The following PPP1R1C variants were observed in gnomAD, a reference collection of about 807,000 sequenced individuals.
PPP1R1C encodes protein phosphatase 1 regulatory inhibitor subunit 1C.
In PPP1R1C, 15 loss-of-function variants were observed where a neutral mutation model predicts 17.4. The ratio of observed to expected loss-of-function variants is 0.86; its 90% CI spans 0.58 to 1.33. PPP1R1C has a LOEUF of 1.33. Ranked by LOEUF, PPP1R1C falls within the 40% of genes most tolerant of loss-of-function variation. The pLI, the probability that PPP1R1C is intolerant of heterozygous loss-of-function variation, is 0.00. For missense variants in PPP1R1C, 143 were observed against 130.0 expected, an observed-to-expected ratio of 1.10 and a Z score of -0.48; for synonymous variants, 35 against 43.1, an observed-to-expected ratio of 0.81 and a Z score of 0.73.
intron 1 of PPP1R1C, among the ~76,000 whole-genome samples, chr2:181,955,387 T>C (rs535143591): frequency 1.3e-5 from 2 of 151,874 alleles, no homozygotes; most frequent in South Asian, 4.2e-4. Context: ...ACAAATACAA[T>C]TTTTTTTTCC....
At chr2:182,088,755 T>A (rs769652408) in intron 4 of PPP1R1C, among the ~76,000 whole-genome samples, 22 of 152,218 alleles carry the variant, frequency 1.4e-4, no homozygotes, top group Middle Eastern at 3.2e-3. Flanking sequence ...TGTTCTTCCC[T>A]TAGTCCTATG....
intron 4 of PPP1R1C, among the ~76,000 whole-genome samples, chr2:182,111,969 T>C (rs1470657622): frequency 2.0e-5 from 3 of 152,170 alleles, no homozygotes; most frequent in Admixed American, 6.5e-5. Flanking sequence ...CTAATGAGTA[T>C]GTTGCTCAAT....
intron 2 of PPP1R1C, among the ~76,000 whole-genome samples, chr2:182,054,610 G>A (rs978397625): frequency 6.6e-6 from 1 of 151,588 alleles, no homozygotes; most frequent in Non-Finnish European, 1.5e-5. Context: ...TGTATAGTTA[G>A]ATTATTTTGA....
chr2:182,111,930 T>A (rs956543739), intron 4 of PPP1R1C, among the ~76,000 whole-genome samples: 1 of 152,130 alleles, frequency 6.6e-6, no homozygotes, highest in African/African-American at 2.4e-5. Context: ...GTTTTTGCGA[T>A]AGGCACCAGG....
intron 4 of PPP1R1C, among the ~76,000 whole-genome samples, chr2:182,080,349 C>G (rs1270348617): frequency 2.0e-5 from 3 of 152,192 alleles, no homozygotes; most frequent in Non-Finnish European, 4.4e-5. Context: ...ATCACTATCC[C>G]CCATTTGCTC....
downstream of PPP1R1C, among the ~76,000 whole-genome samples, chr2:182,118,687 C>T (rs2125238841): frequency 6.6e-6 from 1 of 152,116 alleles, no homozygotes; most frequent in African/African-American, 2.4e-5. Flanking sequence ...CAACCATTTT[C>T]CTTAGTATTT....
At chr2:182,012,758 G>A (rs151335675) in intron 2 of PPP1R1C, among the ~76,000 whole-genome samples, 2,012 of 151,656 alleles carry the variant, frequency 0.013, 22 homozygotes, top group South Asian at 0.036. Context: ...TATTTTTTGC[G>A]TGTCTTCTGT....
At chr2:182,107,509 G>A (rs989174826) in intron 4 of PPP1R1C, among the ~76,000 whole-genome samples, 17 of 152,238 alleles carry the variant, frequency 1.1e-4, no homozygotes, top group South Asian at 2.1e-4. Flanking sequence ...GAGACGGAAC[G>A]AAAAACAAAT....
Position 181,976,793 on chromosome 2 carries a change from A to T in PPP1R1C, n.157+1529A>T, listed in dbSNP as rs1284938571. On this transcript the variant is annotated intron_variant and non_coding_transcript_variant, in intron 2 of 5. Coordinates refer to the PPP1R1C transcript ENST00000464264. This position sits in a 1 kb window ranked among gnomAD's most constrained non-coding sequence, Gnocchi z 4.8. The stretch of plus-strand genomic sequence containing the variant: ...CTCTTGCTCTCTACTGTAAGGTCCC[A>T]TGTTTGAAGGAGGCTTTCTTTTAAC... Among the ~76,000 whole-genome samples, 1 of 152,094 alleles carries T rather than the reference A, an allele frequency of 6.6e-6. No individual in the cohort carries two copies. The highest frequency in any genetic ancestry group is 1.5e-5 in the Non-Finnish European group (1 of 68,020).
intron 4 of PPP1R1C, among the ~76,000 whole-genome samples, chr2:182,105,836 T>A (rs1225540061): frequency 6.6e-6 from 1 of 152,174 alleles, no homozygotes; most frequent in Non-Finnish European, 1.5e-5. Context: ...TTCAACGCTA[T>A]GGATGTATTA....
chr2:182,066,599 A>G (rs1687989447), intron 4 of PPP1R1C, among the ~76,000 whole-genome samples: 1 of 152,138 alleles, frequency 6.6e-6, no homozygotes, highest in Non-Finnish European at 1.5e-5. Context: ...TATTAGATAA[A>G]TTGTTGTATT....
chr2:182,100,928 G>A (rs1689082097), intron 4 of PPP1R1C, among the ~76,000 whole-genome samples: 1 of 152,174 alleles, frequency 6.6e-6, no homozygotes, highest in Admixed American at 6.5e-5. Flanking sequence ...AAGCAGGCAG[G>A]GCTGATTGTT....
intron 2 of PPP1R1C, among the ~76,000 whole-genome samples, chr2:182,058,019 C>T (rs892027332): frequency 6.6e-6 from 1 of 152,006 alleles, no homozygotes. Context: ...CACACAGTTT[C>T]CCTATTCTTA....
intron 2 of PPP1R1C, chr2:181,975,322 A>C (rs2125135061): frequency 6.6e-6 from 1 of 151,688 alleles, no homozygotes; most frequent in East Asian, 1.9e-4. Flanking sequence ...CTGATTGATA[A>C]CTATTGCTAA....
chr2:181,994,359 T>C (rs1685556240), intron 2 of PPP1R1C, among the ~76,000 whole-genome samples: 1 of 152,162 alleles, frequency 6.6e-6, no homozygotes, highest in African/African-American at 2.4e-5. Context: ...TCAAATACTC[T>C]TGTTGCTCAA....
At chr2:182,084,921 T>C (rs916479265) in intron 4 of PPP1R1C, among the ~76,000 whole-genome samples, 1 of 152,158 alleles carries the variant, frequency 6.6e-6, no homozygotes, top group Admixed American at 6.5e-5. Context: ...GTGTCACCTA[T>C]AATTTTTTTC....
At chr2:181,994,970 T>C (rs1685573263) in intron 2 of PPP1R1C, among the ~76,000 whole-genome samples, 1 of 152,214 alleles carries the variant, frequency 6.6e-6, no homozygotes, top group Admixed American at 6.5e-5. Flanking sequence ...AGAGTAGATG[T>C]TAAATGCCTG....
chr2:182,032,865 G>A (rs1222754471), intron 2 of PPP1R1C, among the ~76,000 whole-genome samples: 1 of 152,088 alleles, frequency 6.6e-6, no homozygotes, highest in Non-Finnish European at 1.5e-5. Context: ...ATATATTCAA[G>A]CCTCTTATTT....
At chr2:182,036,098 A>G (rs1398748491) in intron 2 of PPP1R1C, among the ~76,000 whole-genome samples, 2 of 152,226 alleles carry the variant, frequency 1.3e-5, no homozygotes, top group Non-Finnish European at 2.9e-5. Context: ...AAAGTGAGTT[A>G]GAAGGCTGAA....
Sources: allele counts gnomAD v4.1 joint callset (sites outside exome capture counted in the v4.1 genomes callset), GRCh38; gene constraint gnomAD v4.1.1; non-coding constraint Gnocchi (gnomAD v3.1); transcripts MANE v1.5; gene names NCBI Gene and HGNC (gene_info 2026-07-23, HGNC 2026-07-21).